RIMS2: variants seen among roughly 807,000 people sequenced by gnomAD.
RIMS2 encodes the protein regulating synaptic membrane exocytosis protein 2.
RIMS2 carries 59 observed loss-of-function variants against 174.4 expected under a neutral mutation model. The observed-to-expected ratio is 0.34, with a 90% CI of 0.27 to 0.42. The LOEUF (loss-of-function observed/expected upper bound fraction) is 0.42. Ranked by LOEUF, RIMS2 falls within the 10% of genes least tolerant of loss-of-function variation. The pLI, the probability that RIMS2 is intolerant of heterozygous loss-of-function variation, is 1.00. For missense variants in RIMS2, 1,620 were observed against 1,666.3 expected (o/e 0.97, Z 0.48); for synonymous variants, 606 against 572.5 (o/e 1.06, Z -0.84).
chr8:104,098,689 CTT>C (rs910049299), intron 19 of RIMS2, among the ~76,000 whole-genome samples: 16 of 151,942 alleles, frequency 1.1e-4, no homozygotes, highest in African/African-American at 3.6e-4. Flanking sequence ...TTTTAAGAGA[CTT>C]AGCCATTTCA....
intron 1 of RIMS2, among the ~76,000 whole-genome samples, chr8:103,519,733 CTTTT>C (rs56922734): frequency 0.013 from 1,739 of 131,350 alleles, 30 homozygotes; most frequent in African/African-American, 0.043. Context: ...GGCTTTACTA[CTTTT>C]TTTTTTTTTT....
intron 15 of RIMS2, among the ~76,000 whole-genome samples, chr8:103,965,568 A>G (rs1407198075): frequency 6.6e-6 from 1 of 152,138 alleles, no homozygotes; most frequent in Non-Finnish European, 1.5e-5. Flanking sequence ...GGGTTTTTAC[A>G]TAGACAATCA....
chr8:103,582,150 G>A (rs1253934566), intron 1 of RIMS2, among the ~76,000 whole-genome samples: 1 of 152,116 alleles, frequency 6.6e-6, no homozygotes, highest in Non-Finnish European at 1.5e-5. Context: ...CCAGGCCCTA[G>A]CTCCAGGATG....
chr8:104,184,351 A>G (rs776976751), intron 19 of RIMS2, among the ~76,000 whole-genome samples: 6 of 151,556 alleles, frequency 4.0e-5, no homozygotes, highest in Non-Finnish European at 8.9e-5. Context: ...GTAAATTACT[A>G]TTATTCTTAA....
downstream of RIMS2, chr8:104,251,999 G>A: frequency 1.7e-6 from 1 of 599,344 alleles, no homozygotes; most frequent in East Asian, 2.7e-5. Context: ...CCTAAAGAAG[G>A]CCCTCAGGTG....
At chr8:103,873,949 C>CA (rs1385810914) in intron 3 of RIMS2, among the ~76,000 whole-genome samples, 21 of 151,996 alleles carry the variant, frequency 1.4e-4, no homozygotes, top group Non-Finnish European at 3.1e-4. Flanking sequence ...ATAGAAACCC[C>CA]AAATGAGGCT....
intron 19 of RIMS2, among the ~76,000 whole-genome samples, chr8:104,099,946 T>C (rs534157830): frequency 6.6e-6 from 1 of 151,750 alleles, no homozygotes; most frequent in Non-Finnish European, 1.5e-5. Context: ...GCCTCCTGAA[T>C]AGTTGTGACT....
chr8:103,854,783 T>C (rs901213942), intron 3 of RIMS2, among the ~76,000 whole-genome samples: 1 of 152,138 alleles, frequency 6.6e-6, no homozygotes, highest in African/African-American at 2.4e-5. Flanking sequence ...TTGTTGAGGA[T>C]TCTTGCATCT....
intron 16 of RIMS2, chr8:103,975,924 C>A: frequency 6.5e-6 from 1 of 153,994 alleles, no homozygotes; most frequent in Non-Finnish European, 1.4e-5. Context: ...CAAGGTTATC[C>A]CACCTTCTTC....
rs1292673897 is a variant in RIMS2, at chr8:104,041,319, A to C, written c.3334+26704A>C. On this transcript the variant is annotated intron_variant, in intron 19 of 23. Coordinates refer to ENST00000504942, the Ensembl canonical transcript of RIMS2. ...CTATGTCTGTCCATTACACGATGTG[A>C]TCACAGAAGAACTGGACTCTACAAG... The C allele has an allele frequency of 7.2e-6, 5 of 697,918 alleles. No homozygotes were observed. Among genetic ancestry groups the C allele is most frequent in the Non-Finnish European group, 1.3e-5 (5 of 379,870 alleles). The allele number at this position is 697,918 out of a possible 1,614,324, so 43.2% of individuals were successfully genotyped here. A position where few individuals can be genotyped will look rare whatever the true frequency, so the allele number is the denominator to read the frequency against.
chr8:103,951,805 C>A (rs1189899707), intron 14 of RIMS2, among the ~76,000 whole-genome samples: 1 of 152,236 alleles, frequency 6.6e-6, no homozygotes, highest in Non-Finnish European at 1.5e-5. Flanking sequence ...AGTGGTCTGG[C>A]TCAGCGGATC....
At chr8:103,604,375 A>T (rs1376594516) in intron 1 of RIMS2, among the ~76,000 whole-genome samples, 1 of 152,054 alleles carries the variant, frequency 6.6e-6, no homozygotes, top group Non-Finnish European at 1.5e-5. Flanking sequence ...TTTTGGTACC[A>T]GTACCATGCT....
intron 1 of RIMS2, among the ~76,000 whole-genome samples, chr8:103,682,294 A>C (rs1034048536): frequency 2.0e-5 from 3 of 152,104 alleles, no homozygotes; most frequent in Non-Finnish European, 4.4e-5. Context: ...TCTACATAAT[A>C]AAAAGAGAAG....
intron 1 of RIMS2, among the ~76,000 whole-genome samples, chr8:103,662,676 AT>A (rs2096617062): frequency 2.5e-5 from 1 of 40,482 alleles, no homozygotes; most frequent in African/African-American, 8.7e-5. Context: ...AGAAGAGTCT[AT>A]CTATCTATCT....
intron 1 of RIMS2, among the ~76,000 whole-genome samples, chr8:103,633,228 G>A (rs7827522): frequency 0.033 from 4,489 of 137,790 alleles, 209 homozygotes; most frequent in African/African-American, 0.11. Flanking sequence ...TGTATTTTTA[G>A]TATAGATGGG....
At chr8:103,716,012 T>G (rs2097364339) in intron 2 of RIMS2, among the ~76,000 whole-genome samples, 1 of 152,022 alleles carries the variant, frequency 6.6e-6, no homozygotes, top group African/African-American at 2.4e-5. Context: ...TCCCAATGTT[T>G]GGATGTTTAA....
intron 17 of RIMS2, among the ~76,000 whole-genome samples, chr8:103,999,978 C>A (rs570744130): frequency 2.0e-5 from 3 of 151,714 alleles, no homozygotes; most frequent in Non-Finnish European, 3.0e-5. Flanking sequence ...TTTCCACAAG[C>A]AAGTTATCAA....
intron 8 of RIMS2, 45 bp downstream of exon 11, chr8:103,916,582 G>A: frequency 6.8e-7 from 1 of 1,480,818 alleles, no homozygotes; most frequent in Non-Finnish European, 9.1e-7. Context: ...GTTGAATAGT[G>A]TTAAACAATA....
chr8:103,551,535 G>A lies in RIMS2; in HGVS notation c.176+50473G>A, dbSNP rs373857155. 9.9e-4 allele frequency among the ~76,000 whole-genome samples: 151 copies of A among 152,192 alleles called. No individual in the cohort carries two copies. The South Asian group carries it at 0.014, about 14-fold the overall frequency. Reference sequence around the variant, plus strand: ...ACTGGAAGCATTCCCTTTGAAAACTGGCACAAGACAGGGATACCCTCTCTC... The same window carrying A: ...ACTGGAAGCATTCCCTTTGAAAACTAGCACAAGACAGGGATACCCTCTCTC... On this transcript the variant is annotated intron_variant, in intron 1 of 23. Coordinates refer to ENST00000504942, the Ensembl canonical transcript of RIMS2.
Sources: allele counts gnomAD v4.1 joint callset (sites outside exome capture counted in the v4.1 genomes callset), GRCh38; gene constraint gnomAD v4.1.1; transcripts MANE v1.5; gene names NCBI Gene and HGNC (gene_info 2026-07-23, HGNC 2026-07-21).